The following RSL1D1 variants were observed in gnomAD, a reference collection of about 807,000 sequenced individuals.
RSL1D1 encodes ribosomal L1 domain-containing protein 1.
In RSL1D1, 34 loss-of-function variants were observed where a neutral mutation model predicts 44.6. That is an observed-to-expected ratio of 0.76 (90% CI 0.58 to 1.02). The LOEUF is 1.02. RSL1D1 is among the 50% of genes least tolerant of loss of function. RSL1D1 has a pLI of 0.00. For missense variants in RSL1D1, 767 were observed against 568.1 expected, an observed-to-expected ratio of 1.35 and a Z score of -3.56; for synonymous variants, 271 against 207.4, an observed-to-expected ratio of 1.31 and a Z score of -2.63.
chr16:11,846,329 A>C (rs1262551726), intron 5 of RSL1D1, among the ~76,000 whole-genome samples, 172 bp downstream of exon 5: 1 of 151,308 alleles, frequency 6.6e-6, no homozygotes, highest in Non-Finnish European at 1.5e-5. Context: ...CAGGAGGCGG[A>C]GCTTGCAGTG....
Position 11,834,044 on chromosome 16 carries a change from T to C in RSL1D1, c.*3743A>G, listed in dbSNP as rs1287628031. On this transcript the variant is annotated 3_prime_UTR_variant, in exon 9 of 9. Coordinates refer to ENST00000571133, the MANE Select transcript of RSL1D1 (RefSeq NM_015659.3). ...AACAATGAAATATCACCCTCATACT[T>C]GGCCCACGAGAACATCATATACCAT... The C allele has an allele frequency of 1.3e-5, 2 of 152,148 alleles. No homozygotes were observed. Among genetic ancestry groups the C allele is most frequent in the African/African-American group, 4.8e-5 (2 of 41,440 alleles). The allele number at this position is 152,148 out of a possible 1,614,324, so 9.4% of individuals were successfully genotyped here. A position where few individuals can be genotyped will look rare whatever the true frequency, so the allele number is the denominator to read the frequency against.
intron 3 of RSL1D1, 75 bp from the exon 4 acceptor site, chr16:11,846,918 T>G: frequency 7.8e-7 from 1 of 1,286,710 alleles, no homozygotes; most frequent in Non-Finnish European, 1.1e-6. Context: ...AGGCAACAAT[T>G]TGGATTTGGA....
At chr16:11,844,010 C>T (rs2053782096) in intron 5 of RSL1D1, among the ~76,000 whole-genome samples, 1 of 151,936 alleles carries the variant, frequency 6.6e-6, no homozygotes, top group East Asian at 1.9e-4. Flanking sequence ...GAGGGCTCAG[C>T]GCTGGGGCCA....
chr16:11,841,814 C>G lies in RSL1D1; in HGVS notation c.736G>C (p.Glu246Gln). The change falls in exon 7 of 9, where the codon GAG becomes CAG. Residue 246 changes from glutamate to glutamine, a missense_variant. By Grantham distance (29) the Glu-to-Gln change is conservative (BLOSUM62 2). Transcript: ENST00000571133. ...GLSEKLPEKW[E>Q]SVKLLFVKTE... ...TTCACAAACAGGAGTTTCACGCTCT[C>G]CCACTTCTGAAACAAAGAAAAGAGT... The G allele has an allele frequency of 6.2e-7, 1 of 1,613,280 alleles. No individual in the cohort carries two copies. The highest frequency in any genetic ancestry group is 1.1e-5 in the South Asian group (1 of 90,750).
rs1410262126 is a variant in RSL1D1, at chr16:11,842,096, G to A, written c.636-96C>T. ...AGAAATATAAATACATAATCCTCAA[G>A]TTTTTCTTTTTCTTTTAAAAAGGTA... On this transcript the variant is annotated intron_variant, in intron 5 of 8. Coordinates refer to ENST00000571133, the MANE Select transcript of RSL1D1 (RefSeq NM_015659.3). The A allele has an allele frequency of 3.4e-6, 3 of 886,004 alleles. No homozygotes were observed. In the East Asian group the frequency reaches 8.1e-5, roughly 24 times the overall value. The allele number at this position is 886,004 out of a possible 1,614,324, so 54.9% of individuals were successfully genotyped here. A position where few individuals can be genotyped will look rare whatever the true frequency, so the allele number is the denominator to read the frequency against.
In RSL1D1 at chr16:11,841,946, A is replaced by C. The variant is rs1409525115; in HGVS notation, c.690T>G (p.Ile230Met). 12 of 1,613,930 alleles carry C rather than the reference A, an allele frequency of 7.4e-6. No individual in the cohort carries two copies. The highest frequency in any genetic ancestry group is 9.3e-6 in the Non-Finnish European group (11 of 1,179,988). Residue 230 changes from isoleucine (I) to methionine (M), a missense_variant, in exon 6 of 9, where the codon ATT (isoleucine) becomes ATG (methionine). Physicochemically the swap from Ile to Met is conservative, Grantham distance 10 (BLOSUM62 1). Transcript: ENST00000571133. ...CTGAAAGTCCTTTGGTGACAGCAAC[A>C]ATGTTTTCAATGATGTGCTCAATTT... is the stretch of plus-strand genomic sequence containing the variant. ...GMQIEHIIEN[I>M]VAVTKGLSEK...
At chr16:11,846,278 C>G (rs1266796782) in intron 5 of RSL1D1, among the ~76,000 whole-genome samples, 4 of 150,998 alleles carry the variant, frequency 2.6e-5, no homozygotes, top group African/African-American at 7.3e-5. Context: ...GCCTGTAGTC[C>G]CAGCTACTCG....
rs2053727247 is a variant in RSL1D1 at position 11,837,184 on chromosome 16, C to T, written c.*603G>A. ...AGAGATGGGGTTTTACCAAGTTGCC[C>T]AGGCTAGTCTCAAACTCCTGGCCTC... On this transcript the variant is annotated 3_prime_UTR_variant, in exon 9 of 9. Coordinates refer to ENST00000571133, the MANE Select transcript of RSL1D1 (RefSeq NM_015659.3). The T allele has an allele frequency of 6.6e-6, 1 of 152,124 alleles. No individual in the cohort carries two copies. Among genetic ancestry groups the T allele is most frequent in the Non-Finnish European group, 1.5e-5 (1 of 68,050 alleles). The allele number at this position is 152,124 out of a possible 1,614,324, so 9.4% of individuals were successfully genotyped here.
intron 7 of RSL1D1, among the ~76,000 whole-genome samples, chr16:11,840,194 A>G (rs1056557430): frequency 2.0e-5 from 3 of 152,184 alleles, no homozygotes; most frequent in Non-Finnish European, 2.9e-5. Flanking sequence ...TAAATTATAT[A>G]CCGGCATTTC....
intron 2 of RSL1D1, among the ~76,000 whole-genome samples, chr16:11,849,849 T>A (rs1353388975): frequency 6.7e-6 from 1 of 149,184 alleles, no homozygotes; most frequent in Non-Finnish European, 1.5e-5. Flanking sequence ...TCTTTTATTT[T>A]TTATTATTTT....
At chr16:11,849,547 T>C (rs1400680767) in intron 2 of RSL1D1, among the ~76,000 whole-genome samples, 2 of 152,184 alleles carry the variant, frequency 1.3e-5, no homozygotes, top group Non-Finnish European at 2.9e-5. Context: ...GAAGAAGCAT[T>C]CTGTATAATC....
chr16:11,840,045 C>A, intron 7 of RSL1D1, 60 bp from the exon 8 acceptor site: 1 of 1,573,426 alleles, frequency 6.4e-7, no homozygotes, highest in Non-Finnish European at 8.6e-7. Flanking sequence ...TAACAAACGG[C>A]ATAGATGTAC....
At chr16:11,850,597 A>G (rs2053830538) in intron 1 of RSL1D1, among the ~76,000 whole-genome samples, 179 bp from the exon 2 acceptor site, 1 of 152,104 alleles carries the variant, frequency 6.6e-6, no homozygotes, top group African/African-American at 2.4e-5. Flanking sequence ...CCTGCAGTTT[A>G]TATTCACAGA....
At chr16:11,843,924 T>C (rs1465203349) in intron 5 of RSL1D1, among the ~76,000 whole-genome samples, 1 of 126,826 alleles carries the variant, frequency 7.9e-6, no homozygotes, top group Non-Finnish European at 1.7e-5. Flanking sequence ...CCTGGTGGAA[T>C]AGTGTCTTTC....
At chr16:11,841,873 T>C (rs749351688) in intron 6 of RSL1D1, 34 bp downstream of exon 6, 39 of 1,611,718 alleles carry the variant, frequency 2.4e-5, no homozygotes, top group Non-Finnish European at 3.1e-5. Flanking sequence ...TTCTTTTAAA[T>C]GAACAATCAA....
chr16:11,845,547 AG>A (rs1249896594), intron 5 of RSL1D1, among the ~76,000 whole-genome samples: 7 of 152,348 alleles, frequency 4.6e-5, no homozygotes, highest in South Asian at 2.1e-4. Flanking sequence ...ATCAGCCACT[AG>A]CCACATGTGC....
In RSL1D1 at chr16:11,839,866, A is replaced by C; in HGVS notation, c.975T>G (p.Ser325Arg). 1 of 1,614,046 alleles carries C rather than the reference A, an allele frequency of 6.2e-7. No homozygotes were observed. Among genetic ancestry groups the C allele is most frequent in the Non-Finnish European group, 8.5e-7 (1 of 1,180,018 alleles). ...CAGGTTTCTTCACTGTAGTATCACC[A>C]CTTTCAGGTGCCACATCATCTTTAC... The part of the protein sequence containing the change: ...VLSKDDVAPE[S>R]GDTTVKKPES... The change falls in exon 8 of 9, where the codon AGT becomes AGG. Residue 325 changes from serine (S) to arginine (R), a missense_variant. Physicochemically the swap from Ser to Arg is moderately radical, Grantham distance 110. Transcript: ENST00000571133.
At position 11,851,490 on chromosome 16, in the gene RSL1D1, G is replaced by T. The variant is rs766501222; in HGVS notation, c.23C>A (p.Ser8Ter). 3.1e-6 allele frequency: 5 copies of T among 1,613,774 alleles called. No homozygotes were observed. Among genetic ancestry groups the T allele is most frequent in the Non-Finnish European group, 4.2e-6 (5 of 1,179,966 alleles). MEDSASA[S>*]LSSAAATGTS... ...TCCAGTAGCGGCTGCAGAAGACAGC[G>T]AGGCCGAGGCCGAATCCTCCATCTT... Residue 8 changes from serine to a stop codon, truncating the protein, a stop_gained, in exon 1 of 9, where the codon TCG becomes TAG. Coordinates refer to ENST00000571133, the MANE Select transcript of RSL1D1 (RefSeq NM_015659.3). LOFTEE classifies it high-confidence loss of function.
Position 11,835,506 on chromosome 16 carries a change from G to A in RSL1D1, c.*2281C>T, listed in dbSNP as rs888312656. ...TGAGACTGGGCCAGGGAAGGGGGCA[G>A]TGGGCCAGGGACTGTCTCTCTCTGT... is the stretch of plus-strand genomic sequence containing the variant. On this transcript the variant is annotated 3_prime_UTR_variant, in exon 9 of 9. Coordinates refer to ENST00000571133, the MANE Select transcript of RSL1D1 (RefSeq NM_015659.3). 1.3e-5 allele frequency: 2 copies of A among 150,214 alleles called. No individual in the cohort carries two copies. The highest frequency in any genetic ancestry group is 4.2e-4 in the South Asian group (2 of 4,748). 9.3% of individuals were successfully genotyped at this position (150,214 alleles called of 1,614,324 possible). A position where few individuals can be genotyped will look rare whatever the true frequency, so the allele number is the denominator to read the frequency against.
Sources: allele counts gnomAD v4.1 joint callset (sites outside exome capture counted in the v4.1 genomes callset), GRCh38; gene constraint gnomAD v4.1.1; transcripts MANE v1.5; gene names NCBI Gene and HGNC (gene_info 2026-07-23, HGNC 2026-07-21).